Variants in TBCK observed in about 807,000 individuals in gnomAD.
TBCK encodes the protein TBC1 domain containing kinase.
In TBCK, 99 loss-of-function variants were observed where a neutral mutation model predicts 113.4. The ratio of observed to expected loss-of-function variants is 0.87; its 90% CI spans 0.74 to 1.03. TBCK has a LOEUF of 1.03. TBCK is among the 50% of genes least tolerant of loss of function. TBCK has a pLI of 0.00. For missense variants in TBCK, 1,045 were observed against 1,061.3 expected, an observed-to-expected ratio of 0.98 and a Z score of 0.21; for synonymous variants, 369 against 370.8, an observed-to-expected ratio of 1.00 and a Z score of 0.05.
intron 20 of TBCK, among the ~76,000 whole-genome samples, chr4:106,202,086 C>G (rs1343438490): frequency 6.6e-6 from 1 of 151,736 alleles, no homozygotes; most frequent in African/African-American, 2.4e-5. Context: ...ATAGGAGTTA[C>G]AATGATCACC....
intron 25 of TBCK, among the ~76,000 whole-genome samples, chr4:106,077,633 C>A (rs1440069177): frequency 3.3e-5 from 5 of 152,046 alleles, no homozygotes; most frequent in East Asian, 1.9e-4. Context: ...ATATACATAC[C>A]CAAAATTAGA....
intron 3 of TBCK, among the ~76,000 whole-genome samples, chr4:106,264,260 G>A (rs1353839349): frequency 6.6e-6 from 1 of 151,970 alleles, no homozygotes; most frequent in African/African-American, 2.4e-5. Context: ...AAATGAAGTA[G>A]GGAAGACAGA....
At chr4:106,215,661 G>A (rs1313679947) in intron 19 of TBCK, among the ~76,000 whole-genome samples, 1 of 152,092 alleles carries the variant, frequency 6.6e-6, no homozygotes. Flanking sequence ...AACAAGAAGA[G>A]CTAACTATCC....
At chr4:106,316,630 TCGC>T (rs1561017379), upstream of TBCK, 9 of 1,548,220 alleles carry the variant, frequency 5.8e-6, no homozygotes, top group Non-Finnish European at 7.9e-6. Context: ...CACTCGGGGA[TCGC>T]CGATTGCGAT....
intron 2 of TBCK, among the ~76,000 whole-genome samples, chr4:106,303,281 A>G (rs2125876296): frequency 6.6e-6 from 1 of 152,284 alleles, no homozygotes; most frequent in African/African-American, 2.4e-5. Context: ...CTTTAAGTAA[A>G]GAAGATAATC....
Position 106,260,524 on chromosome 4 carries a change from GA to G in TBCK, c.382-15del, listed in dbSNP as rs1207637087. The G allele has an allele frequency of 1.9e-5, 17 of 874,434 alleles. No individual in the cohort carries two copies. Among genetic ancestry groups the G allele is most frequent in the East Asian group, 1.3e-4 (4 of 31,348 alleles). The allele number at this position is 874,434 out of a possible 1,614,324, so 54.2% of individuals were successfully genotyped here. On this transcript the variant is annotated splice_polypyrimidine_tract_variant and intron_variant, in intron 4 of 25. Coordinates refer to ENST00000394708, the MANE Select transcript of TBCK (RefSeq NM_001163435.3). ...TTTAATATGTCCCTATGATAATAAA[GA>G]AAAAAAACACTATCAAATAATTTAT...
intron 23 of TBCK, among the ~76,000 whole-genome samples, chr4:106,124,826 G>A (rs1185099987): frequency 6.6e-6 from 1 of 151,412 alleles, no homozygotes; most frequent in African/African-American, 2.4e-5. Context: ...ATAGGAAGGG[G>A]AATATCACAC....
chr4:106,070,024 CT>C (rs1403262625), intron 25 of TBCK, among the ~76,000 whole-genome samples: 1 of 152,074 alleles, frequency 6.6e-6, no homozygotes, highest in East Asian at 1.9e-4. Context: ...TGCTTATCAG[CT>C]TAAGGAGATT....
Position 106,130,940 on chromosome 4 carries a change from A to G in TBCK, c.2236-14562T>C, listed in dbSNP as rs187646690. 4.5e-4 allele frequency among the ~76,000 whole-genome samples: 68 copies of G among 152,328 alleles called. 1 individual carries two copies. In the East Asian group the frequency reaches 0.012, roughly 28 times the overall value. On this transcript the variant is annotated intron_variant, in intron 23 of 25. Coordinates refer to ENST00000394708, the MANE Select transcript of TBCK (RefSeq NM_001163435.3). ...ATCTGGCACTGAAAAACATGCAGAG[A>G]TGTTAAAAAGATAATAAATATTATC...
At chr4:106,282,443 A>C (rs1764698659) in intron 3 of TBCK, among the ~76,000 whole-genome samples, 1 of 150,622 alleles carries the variant, frequency 6.6e-6, no homozygotes, top group Non-Finnish European at 1.5e-5. Context: ...TCTTCTACTA[A>C]TTTTGGGATT....
At chr4:106,099,232 T>C (rs1741272635) in intron 24 of TBCK, among the ~76,000 whole-genome samples, 1 of 152,156 alleles carries the variant, frequency 6.6e-6, no homozygotes, top group Admixed American at 6.5e-5. Context: ...TGAAAATTCC[T>C]TTAAAATATT....
rs1450471073 is a variant in TBCK, at chr4:106,248,805, G to C, written c.720+116C>G. On this transcript the variant is annotated intron_variant, in intron 8 of 25. Coordinates refer to ENST00000394708, the MANE Select transcript of TBCK (RefSeq NM_001163435.3). ...CCAAACGTACTGGTGCCTTTAACTT[G>C]GACTTCCTAGTTTCAATAACTGTGG... is the stretch of plus-strand genomic sequence containing the variant. 8 of 763,636 alleles carry C rather than the reference G, an allele frequency of 1.0e-5. No individual in the cohort carries two copies. In the Admixed American group the frequency reaches 2.3e-4, roughly 22 times the overall value. 47.3% of individuals were successfully genotyped at this position (763,636 alleles called of 1,614,324 possible). A position where few individuals can be genotyped will look rare whatever the true frequency, so the allele number is the denominator to read the frequency against.
chr4:106,172,455 A>T (rs925572656), intron 22 of TBCK, among the ~76,000 whole-genome samples: 2 of 152,134 alleles, frequency 1.3e-5, no homozygotes, highest in African/African-American at 4.8e-5. Context: ...CAAGAAGTTG[A>T]CTGTGATGGA....
At chr4:106,263,706 C>CA (rs767069190) in intron 3 of TBCK, among the ~76,000 whole-genome samples, 1 of 151,684 alleles carries the variant, frequency 6.6e-6, no homozygotes, top group Admixed American at 6.6e-5. Flanking sequence ...AAAATTTTTA[C>CA]AAAAATAATT....
chr4:106,228,045 T>G (rs1045503572), intron 19 of TBCK, among the ~76,000 whole-genome samples: 1 of 152,014 alleles, frequency 6.6e-6, no homozygotes, highest in Non-Finnish European at 1.5e-5. Flanking sequence ...TAGTGAAACT[T>G]AAATTTTAAA....
intron 17 of TBCK, 53 bp from the exon 18 acceptor site, chr4:106,231,832 T>C (rs536676111): frequency 2.0e-6 from 3 of 1,485,828 alleles, no homozygotes; most frequent in Non-Finnish European, 2.8e-6. Context: ...TCTAGTAGAA[T>C]TGAAGATATA....
In TBCK at chr4:106,045,898, C is replaced by T. The variant is rs1370014124; in HGVS notation, c.*672G>A. 6.6e-6 allele frequency: 1 copy of T among 152,204 alleles called. No homozygotes were observed. The allele number at this position is 152,204 out of a possible 1,614,324, so 9.4% of individuals were successfully genotyped here. A position where few individuals can be genotyped will look rare whatever the true frequency, so the allele number is the denominator to read the frequency against. On this transcript the variant is annotated 3_prime_UTR_variant, in exon 26 of 26. Transcript: ENST00000394708. ...GCCCTGGACTGACTGTACAGACTTT[C>T]ATGTGATAAAGAAACTAGAAAATTT...
At chr4:106,136,779 C>T (rs2149639230) in intron 23 of TBCK, among the ~76,000 whole-genome samples, 1 of 141,224 alleles carries the variant, frequency 7.1e-6, no homozygotes, top group South Asian at 2.4e-4. Context: ...TGCCACTGGT[C>T]TCTTTCAATA....
At chr4:106,238,233 C>T (rs1305337617) in intron 12 of TBCK, among the ~76,000 whole-genome samples, 3 of 151,996 alleles carry the variant, frequency 2.0e-5, no homozygotes, top group African/African-American at 4.8e-5. Context: ...TGTTACTTTC[C>T]ACATCCTTTC....
Sources: gnomAD v4.1 joint callset for allele counts (sites outside exome capture counted in the v4.1 genomes callset) on GRCh38, gnomAD v4.1.1 for gene constraint, MANE v1.5 for transcripts, NCBI Gene and HGNC (gene_info 2026-07-23, HGNC 2026-07-21) for gene names.